The following CDH18 variants were observed in gnomAD, a reference collection of about 807,000 sequenced individuals.
The protein encoded by CDH18 is cadherin-18.
A neutral mutation model predicts 67.9 loss-of-function variants in CDH18; 31 were observed. That is an observed-to-expected ratio of 0.46 (90% CI 0.34 to 0.62). CDH18 has a LOEUF of 0.62. Ranked by LOEUF, CDH18 falls within the 20% of genes least tolerant of loss-of-function variation. The pLI, the probability that CDH18 is intolerant of heterozygous loss-of-function variation, is 0.01. For missense variants in CDH18, 890 were observed against 975.5 expected (o/e 0.91, Z 1.17); for synonymous variants, 362 against 347.2 (o/e 1.04, Z -0.48).
intron 2 of CDH18, among the ~76,000 whole-genome samples, chr5:20,154,238 T>C (rs1043318736): frequency 2.0e-5 from 3 of 152,198 alleles, no homozygotes; most frequent in Non-Finnish European, 2.9e-5. Flanking sequence ...TTAGTTAATA[T>C]AGATGACTGT....
chr5:19,633,511 T>A (rs969186967), intron 5 of CDH18, among the ~76,000 whole-genome samples: 3 of 152,186 alleles, frequency 2.0e-5, no homozygotes, highest in Admixed American at 2.0e-4. Flanking sequence ...ATTACAAACA[T>A]TTCTTTATAA....
chr5:20,482,744 CA>C (rs1262993411), intron 1 of CDH18, among the ~76,000 whole-genome samples: 1 of 151,752 alleles, frequency 6.6e-6, no homozygotes, highest in South Asian at 2.1e-4. Context: ...TGAAAACTCT[CA>C]AAAAAACTGG....
chr5:19,703,198 G>A (rs2150488938), intron 5 of CDH18, among the ~76,000 whole-genome samples: 1 of 152,240 alleles, frequency 6.6e-6, no homozygotes, highest in Non-Finnish European at 1.5e-5. Context: ...TCGGCAAGTG[G>A]TGCCTATACA....
chr5:19,886,663 C>CTTTCAATAT, intron 2 of CDH18, among the ~76,000 whole-genome samples: 1 of 152,058 alleles, frequency 6.6e-6, no homozygotes, highest in African/African-American at 2.4e-5. Flanking sequence ...GGAGGGTGGC[C>CTTTCAATAT]ACACTTGTTT....
intron 1 of CDH18, among the ~76,000 whole-genome samples, chr5:20,512,681 C>T (rs565152925): frequency 1.4e-3 from 219 of 151,982 alleles, no homozygotes; most frequent in African/African-American, 5.2e-3. Context: ...GTTAGGAGTT[C>T]GAGACCAGCC....
intron 2 of CDH18, among the ~76,000 whole-genome samples, chr5:19,882,338 C>T (rs911926888): frequency 4.6e-5 from 7 of 152,004 alleles, no homozygotes; most frequent in African/African-American, 1.7e-4. Flanking sequence ...GATGTACATT[C>T]AGTAATAAAT....
At chr5:19,637,894 C>T (rs1753399463) in intron 5 of CDH18, among the ~76,000 whole-genome samples, 2 of 152,136 alleles carry the variant, frequency 1.3e-5, no homozygotes, top group Admixed American at 6.6e-5. Flanking sequence ...TCTATCATGA[C>T]GATCCTGAAT....
intron 12 of CDH18, among the ~76,000 whole-genome samples, chr5:19,476,015 G>A (rs1289267360): frequency 6.6e-6 from 1 of 151,980 alleles, no homozygotes. Flanking sequence ...TTTAAAACTA[G>A]AGAAAACTTG....
intron 1 of CDH18, among the ~76,000 whole-genome samples, chr5:20,428,398 T>G (rs958965112): frequency 2.6e-5 from 4 of 152,168 alleles, no homozygotes; most frequent in Admixed American, 2.6e-4. Flanking sequence ...TAGTGCTGAG[T>G]AAACATATAT....
intron 2 of CDH18, among the ~76,000 whole-genome samples, chr5:20,146,618 A>C (rs1580345038): frequency 1.7e-4 from 1 of 5,850 alleles, no homozygotes; most frequent in African/African-American, 1.9e-4. Flanking sequence ...CTAATTTTGT[A>C]AAAAAAAAAA....
At chr5:20,152,508 C>T (rs895296457) in intron 2 of CDH18, among the ~76,000 whole-genome samples, 1 of 151,792 alleles carries the variant, frequency 6.6e-6, no homozygotes, top group Non-Finnish European at 1.5e-5. Context: ...GTGGGTATTA[C>T]ATTTTCAGCT....
At chr5:20,397,957 A>G (rs531271003) in intron 1 of CDH18, among the ~76,000 whole-genome samples, 2 of 152,202 alleles carry the variant, frequency 1.3e-5, no homozygotes, top group Non-Finnish European at 2.9e-5. Context: ...AAGCTCATGA[A>G]TTAAAATTTA....
At chr5:20,345,034 C>T (rs1272089316) in intron 1 of CDH18, among the ~76,000 whole-genome samples, 1 of 152,128 alleles carries the variant, frequency 6.6e-6, no homozygotes, top group Non-Finnish European at 1.5e-5. Context: ...TCATCTTAGT[C>T]CCATTGTATC....
chr5:19,937,624 C>T (rs1561591618), intron 2 of CDH18, among the ~76,000 whole-genome samples: 1 of 151,152 alleles, frequency 6.6e-6, no homozygotes, highest in Admixed American at 6.6e-5. Flanking sequence ...TGTACAATTT[C>T]AAAGAAAGTA....
intron 2 of CDH18, among the ~76,000 whole-genome samples, chr5:19,881,719 T>G (rs1787665613): frequency 6.6e-6 from 1 of 152,046 alleles, no homozygotes; most frequent in South Asian, 2.1e-4. Context: ...TTGGCCAGAC[T>G]GGTCTCGTAC....
intron 8 of CDH18, among the ~76,000 whole-genome samples, chr5:19,559,935 A>AAC (rs749154895): frequency 1.7e-3 from 254 of 151,392 alleles, no homozygotes; most frequent in Non-Finnish European, 2.9e-3. Context: ...CAAAAAAAAA[A>AAC]CTCAGGAATA....
intron 1 of CDH18, among the ~76,000 whole-genome samples, chr5:20,400,557 T>C (rs1454935547): frequency 6.6e-6 from 1 of 150,970 alleles, no homozygotes; most frequent in Admixed American, 6.6e-5. Context: ...GGCCGGGAGA[T>C]TGAGACCAGC....
intron 2 of CDH18, among the ~76,000 whole-genome samples, chr5:20,154,315 A>G (rs1751358221): frequency 6.6e-6 from 1 of 152,098 alleles, no homozygotes; most frequent in Non-Finnish European, 1.5e-5. Context: ...CTGCCTTTTC[A>G]ATTTTAATAT....
chr5:19,953,400 A>T (rs983313626), intron 2 of CDH18, among the ~76,000 whole-genome samples: 18 of 152,050 alleles, frequency 1.2e-4, no homozygotes, highest in African/African-American at 4.3e-4. Flanking sequence ...GGTTTCTGTT[A>T]TGTTGACTGA....
Sources: allele counts gnomAD v4.1 joint callset (sites outside exome capture counted in the v4.1 genomes callset), GRCh38; gene constraint gnomAD v4.1.1; transcripts MANE v1.5; gene names NCBI Gene and HGNC (gene_info 2026-07-23, HGNC 2026-07-21).